The following CPEB1 variants were observed in gnomAD, a reference collection of about 807,000 sequenced individuals.
The protein encoded by CPEB1 is cytoplasmic polyadenylation element binding protein 1.
In CPEB1, 7 loss-of-function variants were observed where a neutral mutation model predicts 65.8. That is an observed-to-expected ratio of 0.11 (90% confidence interval 0.06 to 0.20). The LOEUF is 0.20. Among genes scored for constraint, CPEB1 ranks in the 10% least tolerant of loss-of-function variants. CPEB1 has a pLI of 1.00. For synonymous variants in CPEB1, 262 were observed against 260.0 expected (o/e 1.01, Z -0.08); for missense variants, 551 against 712.2 (o/e 0.77, Z 2.58).
At chr15:82,647,929 C>G, upstream of CPEB1, 1 of 1,211,462 alleles carries the variant, frequency 8.3e-7, no homozygotes, top group African/African-American at 1.6e-5. Flanking sequence ...GGGCGAGAGA[C>G]GCGCACGCAC....
At chr15:82,599,240 T>C (rs1228191183) in intron 3 of CPEB1, among the ~76,000 whole-genome samples, 2 of 152,194 alleles carry the variant, frequency 1.3e-5, no homozygotes, top group Non-Finnish European at 2.9e-5. Flanking sequence ...CACTCCTCAC[T>C]ACTACTCAAC....
At chr15:82,548,091 C>G (rs2035585635) in intron 10 of CPEB1, among the ~76,000 whole-genome samples, 2 of 152,138 alleles carry the variant, frequency 1.3e-5, no homozygotes, top group Non-Finnish European at 2.9e-5. Flanking sequence ...AAACCCAGTG[C>G]TTTGGGAGGC....
At chr15:82,578,967 A>C (rs999432463) in intron 3 of CPEB1, among the ~76,000 whole-genome samples, 3 of 151,972 alleles carry the variant, frequency 2.0e-5, no homozygotes, top group Admixed American at 1.3e-4. Context: ...GGGATTATAC[A>C]CATGCACCAC....
chr15:82,547,855 T>G (rs1240903520), intron 10 of CPEB1, among the ~76,000 whole-genome samples: 2 of 151,998 alleles, frequency 1.3e-5, no homozygotes, highest in Non-Finnish European at 2.9e-5. Context: ...TATTTTTTTG[T>G]AGAGACAGGG....
intron 3 of CPEB1, among the ~76,000 whole-genome samples, chr15:82,607,060 T>C (rs2043681854): frequency 6.6e-6 from 1 of 152,024 alleles, no homozygotes; most frequent in South Asian, 2.1e-4. Flanking sequence ...TGTCATAGGA[T>C]TTTATACTAG....
intron 3 of CPEB1, among the ~76,000 whole-genome samples, chr15:82,601,832 C>T (rs920337849): frequency 2.0e-5 from 3 of 152,096 alleles, no homozygotes; most frequent in Non-Finnish European, 4.4e-5. Flanking sequence ...AATTCTAAAA[C>T]TTAATAAAAG....
At chr15:82,582,734 GTTC>G (rs1339266568) in intron 3 of CPEB1, among the ~76,000 whole-genome samples, 1 of 133,498 alleles carries the variant, frequency 7.5e-6, no homozygotes, top group Non-Finnish European at 1.6e-5. Flanking sequence ...CATACTAGGA[GTTC>G]TTTTTTTTTT....
chr15:82,635,846 G>C (rs916841905), intron 1 of CPEB1, among the ~76,000 whole-genome samples: 1 of 152,128 alleles, frequency 6.6e-6, no homozygotes, highest in Non-Finnish European at 1.5e-5. Flanking sequence ...CAATAAGCAG[G>C]CATGAGAAAA....
In CPEB1 at chr15:82,627,217, G is replaced by T; in HGVS notation, c.247C>A (p.Arg83=). Residue 83 remains arginine (R), a synonymous_variant, in exon 3 of 13, where the codon CGA becomes AGA. Coordinates refer to ENST00000684509, the MANE Select transcript of CPEB1 (RefSeq NM_001365242.1). ...CCTGGCAAATGATCATGAATTCCTC[G>T]GTTTATAGGTGTAGTGCAGACTCTA... ...FSRVCTTPIN[R]GIHDHLPDFQ... 1 of 1,601,240 alleles carries T rather than the reference G, an allele frequency of 6.2e-7. No homozygotes were observed. Among genetic ancestry groups the T allele is most frequent in the Non-Finnish European group, 8.5e-7 (1 of 1,176,620 alleles).
At chr15:82,620,557 G>A (rs1215302790) in intron 3 of CPEB1, among the ~76,000 whole-genome samples, 2 of 152,038 alleles carry the variant, frequency 1.3e-5, no homozygotes, top group African/African-American at 4.8e-5. Flanking sequence ...CAACACTTTC[G>A]GAAGCCAAGG....
intron 1 of CPEB1, among the ~76,000 whole-genome samples, chr15:82,630,382 A>G (rs891439143): frequency 6.6e-6 from 1 of 152,138 alleles, no homozygotes; most frequent in African/African-American, 2.4e-5. Flanking sequence ...CTGGAAAAGA[A>G]CTTTTGGCAG....
At chr15:82,586,189 C>T (rs1198924082) in intron 3 of CPEB1, among the ~76,000 whole-genome samples, 1 of 149,764 alleles carries the variant, frequency 6.7e-6, no homozygotes, top group Admixed American at 6.7e-5. Context: ...TTGTTAACCT[C>T]ATTTGGAATG....
intron 1 of CPEB1, chr15:82,637,910 G>T: frequency 2.4e-6 from 1 of 421,270 alleles, no homozygotes; most frequent in Non-Finnish European, 4.8e-6. Context: ...TTAAAAAGGG[G>T]TAGATTTATT....
chr15:82,548,897 T>C (rs2035761859), intron 10 of CPEB1: 5 of 298,068 alleles, frequency 1.7e-5, no homozygotes, highest in African/African-American at 9.0e-5. Flanking sequence ...TACCTCATCA[T>C]TGACATTTTG....
At chr15:82,544,815 C>CT (rs2034869925) in intron 12 of CPEB1, 113 bp from the exon 13 acceptor site, 1 of 764,992 alleles carries the variant, frequency 1.3e-6, no homozygotes, top group African/African-American at 1.7e-5. Flanking sequence ...TCCCGATGGC[C>CT]TCTGTGGGTT....
intron 3 of CPEB1, among the ~76,000 whole-genome samples, chr15:82,602,115 A>C (rs951647556): frequency 2.0e-5 from 3 of 152,244 alleles, no homozygotes; most frequent in Non-Finnish European, 4.4e-5. Flanking sequence ...TAGACTATAA[A>C]GCAAGCCTCA....
intron 9 of CPEB1, 121 bp downstream of exon 9, chr15:82,552,359 G>C (rs2036420182): frequency 1.1e-6 from 1 of 873,254 alleles, no homozygotes. Context: ...GACAAGAAGA[G>C]CCTTCTTGCC....
At chr15:82,591,215 A>C (rs772672403) in intron 3 of CPEB1, among the ~76,000 whole-genome samples, 1 of 152,000 alleles carries the variant, frequency 6.6e-6, no homozygotes, top group Non-Finnish European at 1.5e-5. Context: ...AGCCATCCTG[A>C]CTGGTGTGAG....
rs2045951177 is a variant in CPEB1, at chr15:82,628,358, A to T, written c.96+6T>A. 1.4e-6 allele frequency: 1 copy of T among 702,728 alleles called. No homozygotes were observed. Among genetic ancestry groups the T allele is most frequent in the South Asian group, 1.5e-5 (1 of 67,592 alleles). The allele number at this position is 702,728 out of a possible 1,614,324, so 43.5% of individuals were successfully genotyped here. On this transcript the variant is annotated splice_donor_region_variant and intron_variant, in intron 2 of 12. Coordinates refer to ENST00000684509, the MANE Select transcript of CPEB1 (RefSeq NM_001365242.1). ...GGACCTTGGAGAAATCCAAGAGTTA[A>T]CATACCAGAGGAATTAGCAGAAGAC...
Sources: allele counts gnomAD v4.1 joint callset (sites outside exome capture counted in the v4.1 genomes callset), GRCh38; gene constraint gnomAD v4.1.1; transcripts MANE v1.5; gene names NCBI Gene and HGNC (gene_info 2026-07-23, HGNC 2026-07-21).